Variants in UBE2E3 observed in about 807,000 individuals in gnomAD.
The protein encoded by UBE2E3 is ubiquitin conjugating enzyme E2 E3, also known as ubiquitin-conjugating enzyme E2 E3.
In UBE2E3, 5 loss-of-function variants were observed where a neutral mutation model predicts 23.6. The observed-to-expected ratio is 0.21, with a 90% CI of 0.11 to 0.44. The LOEUF is 0.44. Among genes scored for constraint, UBE2E3 ranks in the 20% least tolerant of loss-of-function variants. The pLI is 0.99. For synonymous variants in UBE2E3, 78 were observed against 87.5 expected, an observed-to-expected ratio of 0.89 and a Z score of 0.60; for missense variants, 81 against 249.8, an observed-to-expected ratio of 0.32 and a Z score of 4.55.
chr2:180,993,621 T>A (rs62180087), intron 3 of UBE2E3, among the ~76,000 whole-genome samples: 35,292 of 152,180 alleles, frequency 0.23, 4,463 homozygotes, highest in Non-Finnish European at 0.28. Flanking sequence ...TCACTTTTTA[T>A]AAACACTGTT....
intron 3 of UBE2E3, among the ~76,000 whole-genome samples, chr2:181,027,511 A>C (rs576394453): frequency 6.6e-6 from 1 of 152,140 alleles, no homozygotes; most frequent in East Asian, 1.9e-4. Flanking sequence ...TTGAGATTTA[A>C]CTTAAAAATA....
At chr2:180,987,072 A>C (rs991802143) in intron 3 of UBE2E3, among the ~76,000 whole-genome samples, 1 of 152,168 alleles carries the variant, frequency 6.6e-6, no homozygotes, top group Non-Finnish European at 1.5e-5. Context: ...AAGTTTGATA[A>C]TGACGTTATT....
chr2:181,020,742 G>A (rs954548921), intron 3 of UBE2E3, among the ~76,000 whole-genome samples: 5 of 152,110 alleles, frequency 3.3e-5, no homozygotes, highest in African/African-American at 1.2e-4. Flanking sequence ...AAAGGTAAAT[G>A]GTTAAAGTGG....
chr2:180,993,437 G>A (rs925712231), intron 3 of UBE2E3, among the ~76,000 whole-genome samples: 1 of 152,146 alleles, frequency 6.6e-6, no homozygotes, highest in African/African-American at 2.4e-5. Context: ...TTAACTTCCA[G>A]CTTGTCTGGG....
At chr2:181,036,115 T>G (rs1559130187) in intron 3 of UBE2E3, among the ~76,000 whole-genome samples, 1 of 152,136 alleles carries the variant, frequency 6.6e-6, no homozygotes, top group Non-Finnish European at 1.5e-5. Flanking sequence ...CATTCTAATT[T>G]TTGCAAAGAA....
chr2:181,059,567 CCGTGTAAGAGT>C (rs1687077747), intron 4 of UBE2E3, among the ~76,000 whole-genome samples: 1 of 151,640 alleles, frequency 6.6e-6, no homozygotes, highest in Non-Finnish European at 1.5e-5. Context: ...AACATGTAAT[CCGTGTAAGAGT>C]ATTGTTAATG....
At chr2:181,046,573 A>T (rs1324162068) in intron 3 of UBE2E3, among the ~76,000 whole-genome samples, 5 of 152,280 alleles carry the variant, frequency 3.3e-5, no homozygotes, top group Admixed American at 6.5e-5. Flanking sequence ...TGTAATTCAG[A>T]TTTACAATAT....
At chr2:181,041,293 G>A (rs547172449) in intron 3 of UBE2E3, among the ~76,000 whole-genome samples, 18 of 147,990 alleles carry the variant, frequency 1.2e-4, no homozygotes, top group Admixed American at 8.8e-4. Flanking sequence ...GTCAAATAGC[G>A]CTTGAACCAA....
chr2:181,060,341 A>G (rs1040702254), intron 4 of UBE2E3, among the ~76,000 whole-genome samples: 1 of 151,674 alleles, frequency 6.6e-6, no homozygotes, highest in Non-Finnish European at 1.5e-5. Flanking sequence ...GTCTTTCTGT[A>G]TGTATGTGTA....
At chr2:181,055,637 C>T (rs937714637) in intron 3 of UBE2E3, among the ~76,000 whole-genome samples, 2 of 151,686 alleles carry the variant, frequency 1.3e-5, no homozygotes, top group Non-Finnish European at 2.9e-5. Flanking sequence ...TTAGTCTACT[C>T]CAAGACAATA....
chr2:181,060,610 T>G, intron 4 of UBE2E3, 55 bp from the exon 5 acceptor site: 1 of 1,462,242 alleles, frequency 6.8e-7, no homozygotes, highest in East Asian at 2.5e-5. Context: ...TTTTAGTGTT[T>G]TAATTGGTAA....
At chr2:180,991,215 A>T (rs1442585281) in intron 3 of UBE2E3, among the ~76,000 whole-genome samples, 1 of 151,488 alleles carries the variant, frequency 6.6e-6, no homozygotes, top group African/African-American at 2.4e-5. Context: ...ATGGCCCTCT[A>T]TAATAGTTCC....
At chr2:181,051,855 A>G (rs1372360223) in intron 3 of UBE2E3, among the ~76,000 whole-genome samples, 1 of 151,896 alleles carries the variant, frequency 6.6e-6, no homozygotes, top group Non-Finnish European at 1.5e-5. Context: ...TATAATTACT[A>G]TTCTCTGTGT....
intron 3 of UBE2E3, among the ~76,000 whole-genome samples, chr2:181,026,141 G>T (rs1396371221): frequency 6.6e-6 from 1 of 151,752 alleles, no homozygotes; most frequent in Non-Finnish European, 1.5e-5. Flanking sequence ...GTTTTAAACA[G>T]CAGGAAAAGA....
intron 1 of UBE2E3, among the ~76,000 whole-genome samples, chr2:180,981,773 A>G (rs994549068): frequency 6.6e-5 from 10 of 152,198 alleles, no homozygotes; most frequent in Non-Finnish European, 1.3e-4. Context: ...CAATTGATAG[A>G]TTGTCCAAGA....
intron 3 of UBE2E3, among the ~76,000 whole-genome samples, chr2:181,013,648 G>A (rs1001394845): frequency 2.0e-5 from 3 of 152,146 alleles, no homozygotes; most frequent in Admixed American, 6.6e-5. Context: ...TTTCAAGAGC[G>A]AATATTCTGA....
rs1180351555 is a variant in UBE2E3, at chr2:181,021,524, TTTC to T, written c.246-36166_246-36164del. 3.9e-5 allele frequency among the ~76,000 whole-genome samples: 5 copies of T among 129,522 alleles called. No homozygotes were observed. In the East Asian group the frequency reaches 1.3e-3, roughly 35 times the overall value. 85.0% of individuals were successfully genotyped at this position (129,522 alleles called of 152,430 possible). A position where few individuals can be genotyped will look rare whatever the true frequency, so the allele number is the denominator to read the frequency against. ...TTTCCTTTCCTTCTTTCTTTTATTC[TTTC>T]TTTACAACTTTTCTTTTAAATATAC... On this transcript the variant is annotated intron_variant, in intron 3 of 5. Transcript: ENST00000410062.
chr2:181,036,126 AGAAC>A (rs1351655344), intron 3 of UBE2E3, among the ~76,000 whole-genome samples: 2 of 152,212 alleles, frequency 1.3e-5, no homozygotes, highest in Non-Finnish European at 2.9e-5. Flanking sequence ...TTGCAAAGAA[AGAAC>A]GAAGTTGGAG....
intron 3 of UBE2E3, among the ~76,000 whole-genome samples, chr2:181,002,536 G>A (rs949043794): frequency 6.6e-6 from 1 of 152,064 alleles, no homozygotes; most frequent in African/African-American, 2.4e-5. Context: ...AAAATGTAAT[G>A]CATACCACGT....
Sources: gnomAD v4.1 joint callset for allele counts (sites outside exome capture counted in the v4.1 genomes callset) on GRCh38, gnomAD v4.1.1 for gene constraint, MANE v1.5 for transcripts, NCBI Gene and HGNC (gene_info 2026-07-23, HGNC 2026-07-21) for gene names.